The following PITPNM2 variants were observed in gnomAD, a reference collection of about 807,000 sequenced individuals.
The protein encoded by PITPNM2 is membrane-associated phosphatidylinositol transfer protein 2.
A neutral mutation model predicts 132.2 loss-of-function variants in PITPNM2; 35 were observed. That is an observed-to-expected ratio of 0.26 (90% CI 0.20 to 0.35). PITPNM2 has a LOEUF of 0.35. Ranked by LOEUF, PITPNM2 falls within the 10% of genes least tolerant of loss-of-function variation. PITPNM2 has a pLI of 1.00. For synonymous variants in PITPNM2, 738 were observed against 799.2 expected (o/e 0.92, Z 1.29); for missense variants, 1,332 against 1,912.0 (o/e 0.70, Z 5.66).
chr12:123,066,922 C>T (rs1009886760), intron 2 of PITPNM2, among the ~76,000 whole-genome samples: 2 of 152,196 alleles, frequency 1.3e-5, no homozygotes, highest in East Asian at 1.9e-4. Flanking sequence ...CCAGGCCACA[C>T]TCCCCGGCCA....
At chr12:123,011,362 T>A (rs947000902) in intron 5 of PITPNM2, among the ~76,000 whole-genome samples, 1 of 152,126 alleles carries the variant, frequency 6.6e-6, no homozygotes, top group African/African-American at 2.4e-5. Context: ...GCAGACCATA[T>A]GCCCTGCCCA....
intron 3 of PITPNM2, among the ~76,000 whole-genome samples, chr12:123,027,829 T>C (rs1458202367): frequency 6.6e-6 from 1 of 152,160 alleles, no homozygotes; most frequent in Non-Finnish European, 1.5e-5. Context: ...GGGCAGCCAG[T>C]CCTCCCCAAG....
chr12:123,055,066 A>AAAAAG (rs892756730), intron 2 of PITPNM2, among the ~76,000 whole-genome samples: 41 of 152,318 alleles, frequency 2.7e-4, no homozygotes, highest in Admixed American at 7.2e-4. Context: ...CAGTCTCAAA[A>AAAAAG]AAAAGAAAAG....
rs1224831526 is a variant in PITPNM2 at position 122,984,759 on chromosome 12, C to T, written c.*1268G>A. The T allele has an allele frequency of 6.6e-6, 1 of 152,320 alleles. No individual in the cohort carries two copies. Among genetic ancestry groups the T allele is most frequent in the South Asian group, 2.1e-4 (1 of 4,840 alleles). 9.4% of individuals were successfully genotyped at this position (152,320 alleles called of 1,614,324 possible). A position where few individuals can be genotyped will look rare whatever the true frequency, so the allele number is the denominator to read the frequency against. On this transcript the variant is annotated 3_prime_UTR_variant, in exon 26 of 26. Transcript: ENST00000320201. ...GGCCGAGGCCAGGCAGGCTCTCCCA[C>T]TTCCGGGAAAGCCGAGGAGCAGCAG...
At chr12:123,091,758 C>T (rs905589429) in intron 2 of PITPNM2, 4 of 152,234 alleles carry the variant, frequency 2.6e-5, no homozygotes, top group African/African-American at 9.7e-5. Flanking sequence ...ATATAGGAGC[C>T]TGGCCTGAGT....
At chr12:123,035,160 A>G (rs1169268631) in intron 2 of PITPNM2, among the ~76,000 whole-genome samples, 1 of 152,250 alleles carries the variant, frequency 6.6e-6, no homozygotes, top group Admixed American at 6.5e-5. Flanking sequence ...AGATGACATC[A>G]CTACATCCCA....
rs151113446 is a variant in PITPNM2 at position 122,987,418 on chromosome 12, C to T, written c.3276G>A (p.Thr1092=). ...GCACGGTGATGTAGCTGTCGGCAAACGTGTGGTCTCCCCTGGCAGGTGGTG... is the reference window on the plus strand; with the variant it reads ...GCACGGTGATGTAGCTGTCGGCAAATGTGTGGTCTCCCCTGGCAGGTGGTG... The part of the protein sequence containing the change: ...PIKMVVRGDH[T]FADSYITVLP... The change falls in exon 23 of 26, where the codon ACG becomes ACA. Residue 1092 remains threonine (T), a synonymous_variant. Transcript: ENST00000320201. The T allele has an allele frequency of 6.2e-6, 10 of 1,613,880 alleles. No homozygotes were observed. The highest frequency in any genetic ancestry group is 4.5e-5 in the East Asian group (2 of 44,896).
intron 8 of PITPNM2, among the ~76,000 whole-genome samples, chr12:123,003,785 A>G (rs1180201864): frequency 6.6e-6 from 1 of 151,934 alleles, no homozygotes; most frequent in Non-Finnish European, 1.5e-5. Context: ...CAAGCCCCCA[A>G]CCCCTACACC....
chr12:123,075,952 G>C (rs1188244852), intron 2 of PITPNM2: 1 of 152,292 alleles, frequency 6.6e-6, no homozygotes, highest in Non-Finnish European at 1.5e-5. Context: ...CAGGGCAGAG[G>C]AAGCCCAGCA....
chr12:123,102,602 G>A (rs1475906764), intron 2 of PITPNM2, among the ~76,000 whole-genome samples: 1 of 152,228 alleles, frequency 6.6e-6, no homozygotes, highest in Non-Finnish European at 1.5e-5. Flanking sequence ...ATACTGAGGA[G>A]TGTAAAGACG....
At chr12:123,047,696 C>T (rs1209364595) in intron 2 of PITPNM2, among the ~76,000 whole-genome samples, 3 of 152,096 alleles carry the variant, frequency 2.0e-5, no homozygotes, top group African/African-American at 7.2e-5. Context: ...CAAGACAGGC[C>T]TCAGGGAGCC....
In PITPNM2 at chr12:123,108,361, C is replaced by T. The variant is rs2042764174; in HGVS notation, c.-96+2024G>A. ...TGCAGTTGTTAAGAAGGAATAGAAC[C>T]TCCTTCCTGTAAGAAAGGAGACAGG... On this transcript the variant is annotated intron_variant, in intron 2 of 25. Transcript: ENST00000320201. The surrounding 1 kb of genome is among the most constrained non-coding windows in gnomAD (Gnocchi z 4.4). Among the ~76,000 whole-genome samples, 1 of 152,160 alleles carries T rather than the reference C, an allele frequency of 6.6e-6. No individual in the cohort carries two copies. The highest frequency in any genetic ancestry group is 2.4e-5 in the African/African-American group (1 of 41,418).
chr12:123,112,538 CTTTTT>C (rs113732529), intron 1 of PITPNM2, among the ~76,000 whole-genome samples: 1 of 140,096 alleles, frequency 7.1e-6, no homozygotes. Context: ...CTTCAATATA[CTTTTT>C]TTTTTTTTTT....
At chr12:123,092,779 T>G (rs1860122057) in intron 2 of PITPNM2, 1 of 152,310 alleles carries the variant, frequency 6.6e-6, no homozygotes, top group African/African-American at 2.4e-5. Flanking sequence ...TCCTGATCTC[T>G]GCAACTCCTT....
intron 1 of PITPNM2, among the ~76,000 whole-genome samples, chr12:123,119,138 G>A (rs2042986035): frequency 6.6e-6 from 1 of 152,124 alleles, no homozygotes; most frequent in South Asian, 2.1e-4. Flanking sequence ...GATCCAACAA[G>A]ACTTAACGCA....
At chr12:123,051,909 C>CT (rs59131741) in intron 2 of PITPNM2, among the ~76,000 whole-genome samples, 77,667 of 143,562 alleles carry the variant, frequency 0.54, 24,902 homozygotes, top group Non-Finnish European at 0.7. Context: ...CCATTCTATT[C>CT]TTTTTTTTTT....
intron 1 of PITPNM2, among the ~76,000 whole-genome samples, chr12:123,126,239 A>C (rs2043139586): frequency 6.6e-6 from 1 of 152,184 alleles, no homozygotes; most frequent in East Asian, 1.9e-4. Flanking sequence ...AAAACCAAGC[A>C]GACCCTTCAG....
intron 1 of PITPNM2, chr12:123,149,736 A>G: frequency 6.5e-6 from 1 of 152,806 alleles, no homozygotes; most frequent in Non-Finnish European, 1.5e-5. Flanking sequence ...AGTCTGGGGG[A>G]TGGATGTTAG....
chr12:123,051,357 C>T (rs572180183), intron 2 of PITPNM2, among the ~76,000 whole-genome samples: 4 of 152,340 alleles, frequency 2.6e-5, no homozygotes, highest in African/African-American at 9.6e-5. Flanking sequence ...TTTCTCTCCT[C>T]TTTCTGGCTC....
Sources: gnomAD v4.1 joint callset for allele counts (sites outside exome capture counted in the v4.1 genomes callset) on GRCh38, gnomAD v4.1.1 for gene constraint, Gnocchi (gnomAD v3.1) non-coding constraint, MANE v1.5 for transcripts, NCBI Gene and HGNC (gene_info 2026-07-23, HGNC 2026-07-21) for gene names.